Variants in UBE2L3 observed in about 807,000 individuals in gnomAD.
UBE2L3 encodes the protein ubiquitin-conjugating enzyme E2 L3.
UBE2L3 carries 1 observed loss-of-function variant against 17.8 expected under a neutral mutation model. The observed-to-expected ratio is 0.06, with a 90% CI of 0.02 to 0.27. The LOEUF is 0.27. UBE2L3 is among the 10% of genes least tolerant of loss of function. The pLI is 1.00. For missense variants in UBE2L3, 40 were observed against 192.6 expected, an observed-to-expected ratio of 0.21 and a Z score of 4.69; for synonymous variants, 44 against 68.5, an observed-to-expected ratio of 0.64 and a Z score of 1.76.
chr22:21,592,876 C>T lies in UBE2L3; in HGVS notation c.43C>T (p.Arg15Cys). ...RRLMKELEEI[R>C]KCGMKNFRNI... ...CAATCAACAGGAGCTTGAAGAAATC[C>T]GCAAATGTGGGATGAAAAACTTCCG... The change falls in exon 2 of 4, where the codon CGC (arginine) becomes TGC (cysteine). Residue 15 changes from arginine (R) to cysteine (C), a missense_variant. Coordinates refer to ENST00000342192, the MANE Select transcript of UBE2L3 (RefSeq NM_003347.4). 1 of 1,613,010 alleles carries T rather than the reference C, an allele frequency of 6.2e-7. No homozygotes were observed. The highest frequency in any genetic ancestry group is 8.5e-7 in the Non-Finnish European group (1 of 1,179,896).
intron 3 of UBE2L3, among the ~76,000 whole-genome samples, chr22:21,620,454 C>T (rs1414383898): frequency 6.6e-6 from 1 of 152,016 alleles, no homozygotes; most frequent in East Asian, 1.9e-4. Flanking sequence ...TTTGTGGCAT[C>T]AGCAGTTCGG....
intron 1 of UBE2L3, 45 bp downstream of exon 1, chr22:21,567,816 T>TAGGCTCCGGATCCCCG (rs746923125): frequency 3.8e-6 from 6 of 1,565,486 alleles, no homozygotes; most frequent in Non-Finnish European, 5.2e-6. Context: ...GGCGGCGTCC[T>TAGGCTCCGGATCCCCG]AGGCTCCGGA....
intron 1 of UBE2L3, among the ~76,000 whole-genome samples, chr22:21,558,359 G>T (rs184523471): frequency 6.6e-6 from 1 of 152,236 alleles, no homozygotes; most frequent in Admixed American, 6.5e-5. Context: ...TTGGCCGGGC[G>T]CAGTGGCTTA....
upstream of UBE2L3, chr22:21,567,463 A>T: frequency 1.9e-6 from 1 of 519,800 alleles, no homozygotes; most frequent in Non-Finnish European, 3.1e-6. Context: ...GCGCCTGGTC[A>T]ACTATTTTAT....
intron 1 of UBE2L3, among the ~76,000 whole-genome samples, chr22:21,592,527 C>T (rs1284355033): frequency 6.6e-6 from 1 of 152,154 alleles, no homozygotes; most frequent in Non-Finnish European, 1.5e-5. Context: ...CTGCCCTATG[C>T]AGGGTGCTGA....
At chr22:21,606,300 G>A (rs1054382610) in intron 2 of UBE2L3, among the ~76,000 whole-genome samples, 7 of 152,018 alleles carry the variant, frequency 4.6e-5, no homozygotes, top group South Asian at 4.2e-4. Context: ...GTGTGCGCGC[G>A]CGCGTGTGTG....
rs755954743 is a variant in UBE2L3, at chr22:21,606,291, T to TGC, written c.124-4565_124-4564insCG. Among the ~76,000 whole-genome samples the TGC allele has an allele frequency of 1.8e-3, 254 of 138,518 alleles. 2 individuals carry two copies. Among genetic ancestry groups the TGC allele is most frequent in the South Asian group, 0.012 (47 of 3,992 alleles). 90.9% of individuals were successfully genotyped at this position (138,518 alleles called of 152,430 possible). On this transcript the variant is annotated intron_variant, in intron 2 of 3. Coordinates refer to ENST00000342192, the MANE Select transcript of UBE2L3 (RefSeq NM_003347.4). ...ACCAACCAAAAGTCATGCAGGAAAG[T>TGC]GTGCGCGCGCGCGTGTGTGTGGTAT... is the stretch of plus-strand genomic sequence containing the variant.
intron 1 of UBE2L3, among the ~76,000 whole-genome samples, chr22:21,574,909 G>A (rs1035388233): frequency 2.6e-5 from 4 of 152,030 alleles, no homozygotes; most frequent in African/African-American, 9.7e-5. Flanking sequence ...AGGTTGCAGC[G>A]AGCTGAGATC....
chr22:21,603,143 T>A (rs1928950723), intron 2 of UBE2L3, among the ~76,000 whole-genome samples: 1 of 152,184 alleles, frequency 6.6e-6, no homozygotes, highest in Admixed American at 6.5e-5. Context: ...CATGCATGCA[T>A]TATAATGACT....
At chr22:21,615,940 G>T (rs1445988327) in intron 3 of UBE2L3, among the ~76,000 whole-genome samples, 1 of 152,178 alleles carries the variant, frequency 6.6e-6, no homozygotes, top group African/African-American at 2.4e-5. Flanking sequence ...GTGCTGAAGT[G>T]CTGTCTAGTA....
chr22:21,562,797 G>A (rs1263226437), upstream of UBE2L3, among the ~76,000 whole-genome samples: 2 of 149,552 alleles, frequency 1.3e-5, no homozygotes, highest in African/African-American at 2.5e-5. Flanking sequence ...GAGCCACCGC[G>A]CCTGGCCCTG....
chr22:21,613,457 T>C (rs367666035), intron 3 of UBE2L3, among the ~76,000 whole-genome samples: 7 of 152,276 alleles, frequency 4.6e-5, no homozygotes. Context: ...TGGACAGAAC[T>C]GGAATTGCTA....
chr22:21,582,664 TA>T (rs1847722691), intron 1 of UBE2L3, among the ~76,000 whole-genome samples: 1 of 152,188 alleles, frequency 6.6e-6, no homozygotes, highest in Non-Finnish European at 1.5e-5. Flanking sequence ...TAGCTGGGAT[TA>T]CAGGCGCTTG....
At chr22:21,555,261 T>C (rs1926181720) in intron 1 of UBE2L3, 1 of 151,704 alleles carries the variant, frequency 6.6e-6, no homozygotes, top group African/African-American at 2.4e-5. Context: ...TTGGCATAAA[T>C]TGGTGACTTC....
At chr22:21,563,019 G>C (rs1303607041), upstream of UBE2L3, among the ~76,000 whole-genome samples, 1 of 143,422 alleles carries the variant, frequency 7.0e-6, no homozygotes, top group Admixed American at 7.0e-5. Context: ...CGAAATGGGC[G>C]GATCAGGAGG....
intron 2 of UBE2L3, 133 bp downstream of exon 2, chr22:21,593,089 T>A: frequency 1.4e-6 from 1 of 724,092 alleles, no homozygotes; most frequent in Non-Finnish European, 2.4e-6. Flanking sequence ...TGGCTGTCGC[T>A]CTAGGGTGAT....
At chr22:21,575,071 A>G (rs1927187649) in intron 1 of UBE2L3, among the ~76,000 whole-genome samples, 3 of 151,582 alleles carry the variant, frequency 2.0e-5, no homozygotes, top group African/African-American at 4.9e-5. Flanking sequence ...AGCCTGGTCA[A>G]CATGGTGAAA....
chr22:21,560,562 T>C (rs1335068339), intron 1 of UBE2L3, among the ~76,000 whole-genome samples: 4 of 149,616 alleles, frequency 2.7e-5, no homozygotes, highest in African/African-American at 7.5e-5. Flanking sequence ...GCGATTCTTC[T>C]GCCTCAGCCT....
chr22:21,601,309 GGTTTTTTT>G (rs970856781), intron 2 of UBE2L3, among the ~76,000 whole-genome samples: 4 of 151,348 alleles, frequency 2.6e-5, no homozygotes, highest in Admixed American at 1.3e-4. Context: ...AACTCTTTTG[GGTTTTTTT>G]GTTTTTTTGT....
Sources: gnomAD v4.1 joint callset for allele counts (sites outside exome capture counted in the v4.1 genomes callset) on GRCh38, gnomAD v4.1.1 for gene constraint, MANE v1.5 for transcripts, NCBI Gene and HGNC (gene_info 2026-07-23, HGNC 2026-07-21) for gene names.